The following GRIK2 variants were observed in gnomAD, a reference collection of about 807,000 sequenced individuals.
GRIK2 encodes glutamate ionotropic receptor kainate type subunit 2.
In GRIK2, 32 loss-of-function variants were observed where a neutral mutation model predicts 100.3. The ratio of observed to expected loss-of-function variants is 0.32; its 90% CI spans 0.24 to 0.43. The LOEUF (loss-of-function observed/expected upper bound fraction) is 0.43, where lower values mean the gene tolerates loss of function less well. Among genes scored for constraint, GRIK2 ranks in the 20% least tolerant of loss-of-function variants. The pLI is 1.00. For missense variants in GRIK2, 843 were observed against 1,114.9 expected, an observed-to-expected ratio of 0.76 and a Z score of 3.47; for synonymous variants, 417 against 389.4, an observed-to-expected ratio of 1.07 and a Z score of -0.83.
intron 7 of GRIK2, among the ~76,000 whole-genome samples, chr6:101,710,731 G>A (rs1450820369): frequency 6.6e-6 from 1 of 151,724 alleles, no homozygotes; most frequent in Non-Finnish European, 1.5e-5. Flanking sequence ...GTCTTCACCT[G>A]GGGTCACAAG....
chr6:101,641,433 T>G (rs1264756216), intron 4 of GRIK2, among the ~76,000 whole-genome samples: 1 of 151,938 alleles, frequency 6.6e-6, no homozygotes. Context: ...AATAACACAA[T>G]GAAAAATGAC....
At chr6:101,767,935 G>A (rs1778139111) in intron 7 of GRIK2, among the ~76,000 whole-genome samples, 1 of 151,984 alleles carries the variant, frequency 6.6e-6, no homozygotes, top group Admixed American at 6.6e-5. Flanking sequence ...TCAGCTCACT[G>A]TTAACTTGTA....
At chr6:102,047,348 A>G (rs1394656433) in intron 15 of GRIK2, among the ~76,000 whole-genome samples, 1 of 152,148 alleles carries the variant, frequency 6.6e-6, no homozygotes, top group Non-Finnish European at 1.5e-5. Flanking sequence ...TCAGAAAGAA[A>G]AAGAAGGCAT....
intron 14 of GRIK2, among the ~76,000 whole-genome samples, chr6:101,964,392 G>T (rs778658523): frequency 1.3e-5 from 2 of 152,096 alleles, no homozygotes; most frequent in African/African-American, 4.8e-5. Flanking sequence ...TTTTCCTTGT[G>T]TTTTAAGAGC....
At chr6:101,749,978 A>G (rs970645904) in intron 7 of GRIK2, among the ~76,000 whole-genome samples, 2 of 151,582 alleles carry the variant, frequency 1.3e-5, no homozygotes, top group African/African-American at 4.8e-5. Context: ...ATGCCTGGCT[A>G]ATTTTTACTT....
intron 16 of GRIK2, chr6:102,063,934 G>C: frequency 9.8e-7 from 1 of 1,024,178 alleles, no homozygotes; most frequent in African/African-American, 1.6e-5. Context: ...CATGCTAACA[G>C]CTCAAAGATT....
At chr6:101,573,081 A>G (rs1162429811) in intron 2 of GRIK2, among the ~76,000 whole-genome samples, 7 of 151,762 alleles carry the variant, frequency 4.6e-5, no homozygotes, top group Admixed American at 1.3e-4. Context: ...CCTGACCTCA[A>G]GTGATCCACC....
chr6:101,848,672 T>G (rs1783944355), intron 10 of GRIK2, among the ~76,000 whole-genome samples: 2 of 152,116 alleles, frequency 1.3e-5, no homozygotes, highest in African/African-American at 4.8e-5. Context: ...ACTTAGAGGT[T>G]ACTATGGAAA....
rs1267986007 is a variant in GRIK2, at chr6:101,800,178, T to A, written c.1095+387T>A. 2.0e-5 allele frequency among the ~76,000 whole-genome samples: 3 copies of A among 152,036 alleles called. No individual in the cohort carries two copies. The East Asian group carries it at 5.8e-4, about 29-fold the overall frequency. On this transcript the variant is annotated intron_variant, in intron 8 of 16. Transcript: ENST00000369134. ...GAGGCTTCAAGTATAGTTATTCAGA[T>A]TAATTGTTCCTAAATATGTCTAGTT...
rs1163508539 is a variant in GRIK2 at position 102,037,579 on chromosome 6, C to A, written c.2311+2013C>A. Among the ~76,000 whole-genome samples, 3 of 151,224 alleles carry A rather than the reference C, an allele frequency of 2.0e-5. No individual in the cohort carries two copies. The East Asian group carries it at 5.9e-4, about 29-fold the overall frequency. ...GGAAAGGCTTCCTCAAGCTTTGTCC[C>A]TGTTATTCCAATATTATGTACAAAT... On this transcript the variant is annotated intron_variant, in intron 15 of 16. Transcript: ENST00000369134.
At chr6:101,561,670 T>G (rs1367002445) in intron 2 of GRIK2, among the ~76,000 whole-genome samples, 1 of 151,870 alleles carries the variant, frequency 6.6e-6, no homozygotes, top group African/African-American at 2.4e-5. Flanking sequence ...GAGGATACAC[T>G]GGAGGAAAAA....
intron 2 of GRIK2, among the ~76,000 whole-genome samples, chr6:101,458,189 G>C (rs756640898): frequency 2.0e-5 from 3 of 151,532 alleles, no homozygotes; most frequent in Non-Finnish European, 4.4e-5. Flanking sequence ...TTCTGAGAAG[G>C]GATCTTTTTT....
At chr6:101,419,628 A>G (rs1022833233) in intron 2 of GRIK2, among the ~76,000 whole-genome samples, 1 of 152,186 alleles carries the variant, frequency 6.6e-6, no homozygotes, top group African/African-American at 2.4e-5. Context: ...ATTAGTCCCT[A>G]TCATAAGCCT....
chr6:101,670,638 T>A (rs1770363860), intron 4 of GRIK2, among the ~76,000 whole-genome samples: 1 of 152,192 alleles, frequency 6.6e-6, no homozygotes, highest in Non-Finnish European at 1.5e-5. Flanking sequence ...TGTAACTATA[T>A]AACGCCTTTC....
intron 14 of GRIK2, among the ~76,000 whole-genome samples, chr6:102,014,281 G>A (rs1388714682): frequency 8.3e-6 from 1 of 120,484 alleles, no homozygotes; most frequent in East Asian, 2.7e-4. Context: ...TGTGGGGTCA[G>A]TGGTAATAAT....
chr6:101,541,751 CT>C, intron 2 of GRIK2, among the ~76,000 whole-genome samples: 1 of 111,474 alleles, frequency 9.0e-6, no homozygotes, highest in Non-Finnish European at 2.2e-5. Flanking sequence ...AAGCTGCTGA[CT>C]CTCTGATCTT....
chr6:101,679,249 G>A (rs932549059), intron 5 of GRIK2, among the ~76,000 whole-genome samples: 1 of 152,136 alleles, frequency 6.6e-6, no homozygotes, highest in African/African-American at 2.4e-5. Flanking sequence ...GAAGAAATGT[G>A]TATAGGCCCC....
intron 7 of GRIK2, among the ~76,000 whole-genome samples, chr6:101,687,255 G>A (rs1422344248): frequency 6.6e-6 from 1 of 151,874 alleles, no homozygotes; most frequent in African/African-American, 2.4e-5. Context: ...TGGTAGGTAT[G>A]TGTCATGTTA....
intron 2 of GRIK2, among the ~76,000 whole-genome samples, chr6:101,515,701 A>T (rs962575051): frequency 6.6e-6 from 1 of 152,112 alleles, no homozygotes; most frequent in Non-Finnish European, 1.5e-5. Context: ...TTTGTTGGCC[A>T]TTTGTACATC....
Sources: gnomAD v4.1 joint callset for allele counts (sites outside exome capture counted in the v4.1 genomes callset) on GRCh38, gnomAD v4.1.1 for gene constraint, MANE v1.5 for transcripts, NCBI Gene and HGNC (gene_info 2026-07-23, HGNC 2026-07-21) for gene names.